Variants in GALNT17 observed in about 807,000 individuals in gnomAD.
GALNT17 encodes UDP-GalNAc:polypeptide N-acetylgalactosaminyltransferase-like 3.
GALNT17 carries 29 observed loss-of-function variants against 63.7 expected under a neutral mutation model. The ratio of observed to expected loss-of-function variants is 0.46; its 90% CI spans 0.34 to 0.62. The LOEUF (loss-of-function observed/expected upper bound fraction) is 0.62. GALNT17 is among the 20% of genes least tolerant of loss of function. GALNT17 has a pLI of 0.01. For missense variants in GALNT17, 603 were observed against 799.6 expected (o/e 0.75, Z 2.97); for synonymous variants, 305 against 318.3 (o/e 0.96, Z 0.45).
At chr7:71,277,857 G>A (rs1316369255) in intron 1 of GALNT17, among the ~76,000 whole-genome samples, 11 of 152,162 alleles carry the variant, frequency 7.2e-5, no homozygotes, top group Non-Finnish European at 1.2e-4. Flanking sequence ...TGCCATGGGC[G>A]GTCACCCGTG....
At chr7:71,539,056 G>C (rs199756435) in intron 5 of GALNT17, among the ~76,000 whole-genome samples, 1 of 152,070 alleles carries the variant, frequency 6.6e-6, no homozygotes, top group East Asian at 1.9e-4. Context: ...CCTGCCTCCC[G>C]AGTAGCTGGG....
intron 3 of GALNT17, among the ~76,000 whole-genome samples, chr7:71,395,770 T>C (rs561079410): frequency 6.6e-6 from 1 of 152,342 alleles, no homozygotes; most frequent in South Asian, 2.1e-4. Context: ...AATTGTTACT[T>C]TTTTAAAATT....
At chr7:71,205,257 G>A (rs1196335342) in intron 1 of GALNT17, among the ~76,000 whole-genome samples, 2 of 147,952 alleles carry the variant, frequency 1.4e-5, no homozygotes, top group East Asian at 2.0e-4. Context: ...AGGTTCAAGC[G>A]ATTCTCCTGC....
At chr7:71,403,788 C>T (rs1563067621) in intron 3 of GALNT17, among the ~76,000 whole-genome samples, 2 of 152,150 alleles carry the variant, frequency 1.3e-5, no homozygotes, top group Non-Finnish European at 2.9e-5. Flanking sequence ...GACCAAGCAC[C>T]AGCGTGTAAC....
chr7:71,581,455 C>T (rs150416079), intron 6 of GALNT17, among the ~76,000 whole-genome samples: 13 of 152,224 alleles, frequency 8.5e-5, no homozygotes, highest in African/African-American at 2.9e-4. Flanking sequence ...CCACTGCGCC[C>T]GGCCACGTTT....
intron 1 of GALNT17, among the ~76,000 whole-genome samples, chr7:71,170,252 GT>G (rs1012671133): frequency 3.3e-5 from 5 of 152,126 alleles, no homozygotes; most frequent in Admixed American, 6.6e-5. Flanking sequence ...CCAGGATGCT[GT>G]TTTTTTCCTC....
At chr7:71,545,153 C>A (rs1007365005) in intron 5 of GALNT17, among the ~76,000 whole-genome samples, 9 of 152,012 alleles carry the variant, frequency 5.9e-5, no homozygotes, top group Non-Finnish European at 7.4e-5. Flanking sequence ...TATCTCTCGT[C>A]CCCTCTGTTT....
At chr7:71,359,952 C>A (rs1364929116) in intron 2 of GALNT17, among the ~76,000 whole-genome samples, 1 of 152,182 alleles carries the variant, frequency 6.6e-6, no homozygotes, top group Non-Finnish European at 1.5e-5. Context: ...GATCTCCCCA[C>A]TTGGTTTTAA....
At chr7:71,663,670 C>T (rs368743105) in intron 6 of GALNT17, among the ~76,000 whole-genome samples, 12 of 152,290 alleles carry the variant, frequency 7.9e-5, no homozygotes, top group African/African-American at 1.9e-4. Flanking sequence ...CTATCTGTAT[C>T]GTTTCCCTGT....
intron 1 of GALNT17, among the ~76,000 whole-genome samples, chr7:71,145,316 G>A (rs948665977): frequency 1.3e-5 from 2 of 152,114 alleles, no homozygotes; most frequent in African/African-American, 2.4e-5. Flanking sequence ...GCAACAAAGC[G>A]AGACTCCATT....
chr7:71,484,202 A>G (rs1787870026), intron 5 of GALNT17, among the ~76,000 whole-genome samples: 1 of 152,166 alleles, frequency 6.6e-6, no homozygotes, highest in East Asian at 1.9e-4. Flanking sequence ...AGTATTATAT[A>G]CCGGGCCAGA....
At chr7:71,243,873 T>C (rs1488620296) in intron 1 of GALNT17, among the ~76,000 whole-genome samples, 2 of 152,194 alleles carry the variant, frequency 1.3e-5, no homozygotes, top group Non-Finnish European at 2.9e-5. Context: ...AATTTGGCCA[T>C]GATGAGGTCA....
chr7:71,639,327 C>G (rs1456609684), intron 6 of GALNT17, among the ~76,000 whole-genome samples: 1 of 151,790 alleles, frequency 6.6e-6, no homozygotes, highest in African/African-American at 2.4e-5. Flanking sequence ...ACCCTCTGTC[C>G]TGTCTAACTG....
At chr7:71,386,566 CAG>C (rs1792948660) in intron 2 of GALNT17, among the ~76,000 whole-genome samples, 2 of 152,122 alleles carry the variant, frequency 1.3e-5, no homozygotes, top group Non-Finnish European at 2.9e-5. Flanking sequence ...CTGAGAGAAG[CAG>C]AGCACGTTCC....
At chr7:71,241,769 G>C (rs1790001207) in intron 1 of GALNT17, among the ~76,000 whole-genome samples, 1 of 151,866 alleles carries the variant, frequency 6.6e-6, no homozygotes, top group South Asian at 2.1e-4. Context: ...TGAACCTGTA[G>C]TCCCAGCAGC....
At chr7:71,532,585 A>AG (rs1788738153) in intron 5 of GALNT17, among the ~76,000 whole-genome samples, 4 of 152,278 alleles carry the variant, frequency 2.6e-5, no homozygotes, top group Non-Finnish European at 5.9e-5. Context: ...GCTAGGTTCT[A>AG]TGCATAGTTA....
At chr7:71,561,500 T>G (rs1789255594) in intron 5 of GALNT17, among the ~76,000 whole-genome samples, 1 of 152,116 alleles carries the variant, frequency 6.6e-6, no homozygotes, top group African/African-American at 2.4e-5. Context: ...AGCAAACAGC[T>G]GAAGCAGAAC....
intron 6 of GALNT17, among the ~76,000 whole-genome samples, chr7:71,596,669 A>AAAG (rs1191880037): frequency 3.3e-5 from 5 of 152,188 alleles, no homozygotes; most frequent in Middle Eastern, 6.8e-3. Flanking sequence ...GCTGCAAGAA[A>AAAG]AAGGCAGAAG....
intron 1 of GALNT17, among the ~76,000 whole-genome samples, chr7:71,322,592 A>G (rs983771485): frequency 1.3e-5 from 2 of 152,164 alleles, no homozygotes; most frequent in African/African-American, 4.8e-5. Flanking sequence ...GTGGATCACC[A>G]TGTGTTATAA....
Sources: gnomAD v4.1 joint callset for allele counts (sites outside exome capture counted in the v4.1 genomes callset) on GRCh38, gnomAD v4.1.1 for gene constraint, MANE v1.5 for transcripts, NCBI Gene and HGNC (gene_info 2026-07-23, HGNC 2026-07-21) for gene names.